Variants in MGRN1 observed in about 807,000 individuals in gnomAD.
MGRN1 encodes E3 ubiquitin-protein ligase MGRN1.
A neutral mutation model predicts 69.2 loss-of-function variants in MGRN1; 29 were observed. The ratio of observed to expected loss-of-function variants is 0.42; its 90% CI spans 0.31 to 0.57. The LOEUF is 0.57. Ranked by LOEUF, MGRN1 falls within the 20% of genes least tolerant of loss-of-function variation. MGRN1 has a pLI of 0.15. For missense variants in MGRN1, 998 were observed against 796.2 expected, an observed-to-expected ratio of 1.25 and a Z score of -3.05; for synonymous variants, 470 against 344.2, an observed-to-expected ratio of 1.37 and a Z score of -4.04.
intron 16 of MGRN1, 124 bp downstream of exon 16, chr16:4,684,056 T>C: frequency 1.2e-6 from 1 of 864,102 alleles, no homozygotes; most frequent in Non-Finnish European, 1.8e-6. Context: ...GTTCTCTCCC[T>C]GGCTCTCAGC....
At chr16:4,625,509 C>T (rs1341619779) in intron 1 of MGRN1, among the ~76,000 whole-genome samples, 1 of 152,202 alleles carries the variant, frequency 6.6e-6, no homozygotes, top group Non-Finnish European at 1.5e-5. Context: ...ATTTCCCTCC[C>T]ATCAGGACGG....
At position 4,668,222 on chromosome 16, in the gene MGRN1, G is replaced by A. The variant is rs769268417; in HGVS notation, c.679-43G>A. ...CGGCCACGCAGGGGTGCTCAGAGGC[G>A]CCAGCTTGACCACCTTAACCTCTTT... is the stretch of plus-strand genomic sequence containing the variant. On this transcript the variant is annotated intron_variant, in intron 7 of 16. Transcript: ENST00000262370. The A allele has an allele frequency of 6.9e-6, 11 of 1,599,604 alleles. No individual in the cohort carries two copies. The East Asian group carries it at 1.3e-4, about 20-fold the overall frequency.
At chr16:4,680,839 C>T (rs2079166832) in intron 12 of MGRN1, among the ~76,000 whole-genome samples, 3 of 152,316 alleles carry the variant, frequency 2.0e-5, no homozygotes, top group African/African-American at 7.2e-5. Context: ...GCATCCCGCA[C>T]CCATCTCACT....
At chr16:4,670,064 A>G (rs1218233509) in intron 8 of MGRN1, among the ~76,000 whole-genome samples, 1 of 151,670 alleles carries the variant, frequency 6.6e-6, no homozygotes, top group Admixed American at 6.6e-5. Flanking sequence ...TTTTAATTTT[A>G]ATTTTATTTT....
At chr16:4,638,743 C>G (rs2078088302) in intron 1 of MGRN1, among the ~76,000 whole-genome samples, 1 of 152,196 alleles carries the variant, frequency 6.6e-6, no homozygotes, top group African/African-American at 2.4e-5. Flanking sequence ...AGCAGGAACA[C>G]CTGTCCTGTT....
chr16:4,650,558 C>A, intron 2 of MGRN1, 75 bp downstream of exon 2: 1 of 1,204,980 alleles, frequency 8.3e-7, no homozygotes, highest in African/African-American at 1.6e-5. Context: ...GCATCCCAGC[C>A]ATGAGGGCAA....
chr16:4,670,531 C>G (rs760000884), intron 8 of MGRN1, among the ~76,000 whole-genome samples: 1 of 152,262 alleles, frequency 6.6e-6, no homozygotes, highest in African/African-American at 2.4e-5. Context: ...TAGGTGTAAG[C>G]CACTGCACCC....
chr16:4,684,074 CT>C, intron 16 of MGRN1, 142 bp downstream of exon 16: 1 of 760,124 alleles, frequency 1.3e-6, no homozygotes, highest in Non-Finnish European at 2.1e-6. Context: ...AGCCATGCCC[CT>C]GCTATTGACC....
chr16:4,650,443 A>G lies in MGRN1; in HGVS notation c.167A>G (p.Glu56Gly). Residue 56 changes from glutamate to glycine, a missense_variant, in exon 2 of 17, where the codon GAG becomes GGG. Transcript: ENST00000262370. ...TPHPEGYLFG[E>G]NMDLNFLGSR... ...CACCCTGAAGGTTACCTCTTTGGAG[A>G]GAACATGGATCTGAACTTCCTGGGC... The G allele has an allele frequency of 6.2e-7, 1 of 1,613,974 alleles. No homozygotes were observed. Among genetic ancestry groups the G allele is most frequent in the South Asian group, 1.1e-5 (1 of 91,042 alleles).
intron 1 of MGRN1, among the ~76,000 whole-genome samples, chr16:4,636,384 G>A (rs1026529661): frequency 6.6e-6 from 1 of 152,136 alleles, no homozygotes; most frequent in African/African-American, 2.4e-5. Context: ...CGGGGTTTGT[G>A]AGCAGTGAGT....
chr16:4,678,991 T>G (rs2079116358), intron 11 of MGRN1, among the ~76,000 whole-genome samples: 1 of 152,238 alleles, frequency 6.6e-6, no homozygotes, highest in African/African-American at 2.4e-5. Context: ...GGGTTTGTCT[T>G]TTAAAATCTG....
At chr16:4,632,068 G>A (rs1467282781) in intron 1 of MGRN1, among the ~76,000 whole-genome samples, 1 of 144,434 alleles carries the variant, frequency 6.9e-6, no homozygotes, top group African/African-American at 2.6e-5. Context: ...AGGCTGGAGG[G>A]CAATGGCGCA....
intron 1 of MGRN1, among the ~76,000 whole-genome samples, chr16:4,633,290 G>C (rs766007014): frequency 6.6e-6 from 1 of 152,090 alleles, no homozygotes; most frequent in Non-Finnish European, 1.5e-5. Context: ...TCAGGAGGCT[G>C]AGGCAGGAGA....
At chr16:4,671,183 C>T (rs1013102055) in intron 8 of MGRN1, 17 of 587,928 alleles carry the variant, frequency 2.9e-5, no homozygotes, top group African/African-American at 7.5e-5. Flanking sequence ...GGAGAGCCAC[C>T]GGCTCCAGCC....
At chr16:4,648,318 G>A (rs2078319832) in intron 1 of MGRN1, among the ~76,000 whole-genome samples, 4 of 139,316 alleles carry the variant, frequency 2.9e-5, no homozygotes, top group South Asian at 2.3e-4. Flanking sequence ...GGCTCTTCCC[G>A]TGGTCACCCG....
Position 4,678,224 on chromosome 16 carries a change from G to A in MGRN1, c.1065+652G>A, listed in dbSNP as rs78259387. Among the ~76,000 whole-genome samples, 497 of 152,312 alleles carry A rather than the reference G, an allele frequency of 3.3e-3. 2 individuals are homozygous for A. The highest frequency in any genetic ancestry group is 0.011 in the African/African-American group (466 of 41,576). ...GGGGCACTGGTGACCCTCCTCCCAC[G>A]CTCCAGGCCCACCAGGCGCCCTCAG... On this transcript the variant is annotated intron_variant, in intron 11 of 16. Transcript: ENST00000262370.
At chr16:4,672,491 G>C (rs79593302) in intron 9 of MGRN1, 6,435 of 456,584 alleles carry the variant, frequency 0.014, 363 homozygotes, top group African/African-American at 0.12. Context: ...GGAGCACCTG[G>C]CCGGGCCTCG....
At chr16:4,631,274 G>T (rs1239996186) in intron 1 of MGRN1, among the ~76,000 whole-genome samples, 1 of 152,150 alleles carries the variant, frequency 6.6e-6, no homozygotes, top group Non-Finnish European at 1.5e-5. Flanking sequence ...GTTGACCTAA[G>T]CCAGGCATTG....
Position 4,689,122 on chromosome 16 carries a change from A to T in MGRN1, c.*214A>T, listed in dbSNP as rs2079402426. 6 of 609,070 alleles carry T rather than the reference A, an allele frequency of 9.9e-6. No individual in the cohort carries two copies. Among genetic ancestry groups the T allele is most frequent in the Admixed American group, 3.5e-5 (1 of 28,576 alleles). The allele number at this position is 609,070 out of a possible 1,614,324, so 37.7% of individuals were successfully genotyped here. On this transcript the variant is annotated 3_prime_UTR_variant, in exon 17 of 17. Transcript: ENST00000262370. Reference sequence around the variant, plus strand: ...TTGATATATTTGTAACTGGTACAAGATGAAGGACAGCAGCTTTCCATCCCT... The same window carrying T: ...TTGATATATTTGTAACTGGTACAAGTTGAAGGACAGCAGCTTTCCATCCCT...
Sources: gnomAD v4.1 joint callset for allele counts (sites outside exome capture counted in the v4.1 genomes callset) on GRCh38, gnomAD v4.1.1 for gene constraint, MANE v1.5 for transcripts, NCBI Gene and HGNC (gene_info 2026-07-23, HGNC 2026-07-21) for gene names.